C12orf50: variants seen among roughly 807,000 people sequenced by gnomAD.
C12orf50 encodes uncharacterized protein C12orf50.
In C12orf50, 35 loss-of-function variants were observed where a neutral mutation model predicts 61.6. That is an observed-to-expected ratio of 0.57 (90% CI 0.43 to 0.75). The LOEUF is 0.75. C12orf50 is among the 30% of genes least tolerant of loss of function. The probability of loss-of-function intolerance (pLI) is 0.00; values close to 1 mark genes in which losing one functional copy is unlikely to be tolerated. For missense variants in C12orf50, 475 were observed against 488.5 expected (o/e 0.97, Z 0.26); for synonymous variants, 178 against 161.5 (o/e 1.10, Z -0.77).
At position 87,992,127 on chromosome 12, in the gene C12orf50, G is replaced by C. The variant is rs976508985; in HGVS notation, c.592+2506C>G. On this transcript the variant is annotated intron_variant, in intron 7 of 12. Coordinates refer to ENST00000298699, the MANE Select transcript of C12orf50 (RefSeq NM_152589.3). ...AAGGGGTTTGAGTCCCAGTTCTGAGGCTTGTTAGTGAGGCAACCTCAAGAG... is the reference window on the plus strand; with the variant it reads ...AAGGGGTTTGAGTCCCAGTTCTGAGCCTTGTTAGTGAGGCAACCTCAAGAG... 2.6e-5 allele frequency among the ~76,000 whole-genome samples: 4 copies of C among 152,288 alleles called. No individual in the cohort carries two copies. In the East Asian group the frequency reaches 7.7e-4, roughly 29 times the overall value.
intron 3 of C12orf50, among the ~76,000 whole-genome samples, chr12:88,003,599 C>G (rs983461972): frequency 6.6e-6 from 1 of 152,000 alleles, no homozygotes; most frequent in Admixed American, 6.5e-5. Flanking sequence ...CAAAGATTCT[C>G]GATTGCCACA....
chr12:88,025,116 T>C (rs1012770357), intron 3 of C12orf50, among the ~76,000 whole-genome samples: 1 of 152,188 alleles, frequency 6.6e-6, no homozygotes, highest in Non-Finnish European at 1.5e-5. Context: ...AATAAATAAA[T>C]ACATGTTTGT....
At chr12:87,990,320 A>C (rs1202599380) in intron 7 of C12orf50, among the ~76,000 whole-genome samples, 2 of 152,148 alleles carry the variant, frequency 1.3e-5, no homozygotes, top group Non-Finnish European at 2.9e-5. Flanking sequence ...ATCATCCTTT[A>C]TTCTACAAGT....
At chr12:88,017,247 C>T (rs542046588) in intron 3 of C12orf50, among the ~76,000 whole-genome samples, 28 of 152,190 alleles carry the variant, frequency 1.8e-4, no homozygotes, top group African/African-American at 6.0e-4. Context: ...TTTTCTGTGC[C>T]GTTCTCATGA....
intron 1 of C12orf50, chr12:88,028,955 C>A: frequency 2.4e-6 from 1 of 421,738 alleles, no homozygotes; most frequent in Non-Finnish European, 3.6e-6. Context: ...TATAAGATAT[C>A]TTGCAAGAAA....
At chr12:87,995,087 C>G (rs2031321259) in intron 6 of C12orf50, among the ~76,000 whole-genome samples, 1 of 151,986 alleles carries the variant, frequency 6.6e-6, no homozygotes, top group Admixed American at 6.6e-5. Context: ...TCACCATGAA[C>G]AATCAGATAA....
chr12:87,992,994 A>G (rs2031195114), intron 7 of C12orf50, among the ~76,000 whole-genome samples: 1 of 152,116 alleles, frequency 6.6e-6, no homozygotes, highest in African/African-American at 2.4e-5. Flanking sequence ...ACATACCCAG[A>G]AGATTATTTT....
chr12:88,008,743 C>A (rs2031986307), intron 3 of C12orf50, among the ~76,000 whole-genome samples: 1 of 152,098 alleles, frequency 6.6e-6, no homozygotes, highest in African/African-American at 2.4e-5. Context: ...GCCTCCTAAA[C>A]ATCCTCTTCA....
intron 3 of C12orf50, among the ~76,000 whole-genome samples, chr12:88,004,728 G>T (rs1437382331): frequency 6.6e-6 from 1 of 152,164 alleles, no homozygotes. Flanking sequence ...AATGTCCTTT[G>T]CAGCAACATG....
chr12:88,024,676 A>G (rs998338669), intron 3 of C12orf50, among the ~76,000 whole-genome samples: 8 of 152,162 alleles, frequency 5.3e-5, no homozygotes, highest in African/African-American at 1.9e-4. Flanking sequence ...TAGTATGCTT[A>G]TTACCCAGGT....
At chr12:88,013,458 A>G (rs2032188898) in intron 3 of C12orf50, among the ~76,000 whole-genome samples, 1 of 152,194 alleles carries the variant, frequency 6.6e-6, no homozygotes. Flanking sequence ...TGATTCTATC[A>G]TGTTAAATTC....
At chr12:88,002,602 A>C (rs1255066084) in intron 3 of C12orf50, among the ~76,000 whole-genome samples, 1 of 151,676 alleles carries the variant, frequency 6.6e-6, no homozygotes, top group Non-Finnish European at 1.5e-5. Context: ...ATTGAATTTA[A>C]AAAGTGTTTT....
intron 3 of C12orf50, among the ~76,000 whole-genome samples, chr12:87,998,397 G>C (rs2031511550): frequency 6.6e-6 from 1 of 151,728 alleles, no homozygotes; most frequent in South Asian, 2.1e-4. Context: ...TAGCATCAAA[G>C]AGAAAAAAGT....
Position 87,986,536 on chromosome 12 carries a change from C to A in C12orf50, c.818-120G>T, listed in dbSNP as rs537794983. The A allele has an allele frequency of 3.0e-5, 19 of 628,792 alleles. No homozygotes were observed. The Middle Eastern group carries it at 1.2e-3, about 40-fold the overall frequency. The allele number at this position is 628,792 out of a possible 1,614,324, so 39.0% of individuals were successfully genotyped here. A position where few individuals can be genotyped will look rare whatever the true frequency, so the allele number is the denominator to read the frequency against. ...CAAGCAAGAGGAAAAAATAAATGCA[C>A]CATCCTAACACTTTACTTTTTAGAA... On this transcript the variant is annotated intron_variant, in intron 9 of 12. Transcript: ENST00000298699.
At chr12:88,020,355 C>A (rs1427761705) in intron 3 of C12orf50, among the ~76,000 whole-genome samples, 2 of 152,042 alleles carry the variant, frequency 1.3e-5, no homozygotes, top group East Asian at 3.9e-4. Context: ...GAAAAATCTA[C>A]CAAGCAAATG....
upstream of C12orf50, among the ~76,000 whole-genome samples, chr12:88,029,892 T>A (rs2032833124): frequency 6.6e-6 from 1 of 152,214 alleles, no homozygotes; most frequent in African/African-American, 2.4e-5. Flanking sequence ...TTCCATTTAT[T>A]TTTCATCCAT....
chr12:87,987,850 T>C lies in C12orf50; in HGVS notation c.817A>G (p.Met273Val), dbSNP rs944049875. The stretch of plus-strand genomic sequence containing the variant: ...AAAAGTGATAGAGCTAATGTCTCAC[T>C]TGAAGAGGGGTCCTCTCTGCACTTC... ...SMKCREDPSS[M>V]NDVQPVKKPH... The change falls in exon 9 of 13, where the codon ATG (methionine) becomes GTG (valine). Residue 273 changes from methionine to valine, a missense_variant and splice_region_variant. Met to Val is a conservative substitution (Grantham distance 21). Transcript: ENST00000298699. 1.9e-6 allele frequency: 3 copies of C among 1,576,914 alleles called. No homozygotes were observed. The Admixed American group carries it at 5.1e-5, about 27-fold the overall frequency.
At chr12:88,004,373 T>C (rs1171081158) in intron 3 of C12orf50, among the ~76,000 whole-genome samples, 3 of 152,146 alleles carry the variant, frequency 2.0e-5, no homozygotes, top group African/African-American at 7.2e-5. Flanking sequence ...TCAGAATGGC[T>C]ATTATTAAAA....
At chr12:87,996,752 CT>C (rs2031415315) in intron 4 of C12orf50, 106 bp from the exon 5 acceptor site, 2 of 735,108 alleles carry the variant, frequency 2.7e-6, no homozygotes, top group Non-Finnish European at 4.4e-6. Flanking sequence ...GGATAGATTA[CT>C]TTTTTATATT....
Sources: allele counts gnomAD v4.1 joint callset (sites outside exome capture counted in the v4.1 genomes callset), GRCh38; gene constraint gnomAD v4.1.1; transcripts MANE v1.5; gene names NCBI Gene and HGNC (gene_info 2026-07-23, HGNC 2026-07-21).